The following ARHGAP21 variants were observed in gnomAD, a reference collection of about 807,000 sequenced individuals.
The protein encoded by ARHGAP21 is Rho GTPase activating protein 21, also known as rho GTPase-activating protein 21.
ARHGAP21 carries 38 observed loss-of-function variants against 164.6 expected under a neutral mutation model. That is an observed-to-expected ratio of 0.23 (90% CI 0.18 to 0.30). ARHGAP21 has a LOEUF of 0.30. ARHGAP21 is among the 10% of genes least tolerant of loss of function. The pLI is 1.00. For synonymous variants in ARHGAP21, 766 were observed against 857.9 expected (o/e 0.89, Z 1.87); for missense variants, 1,822 against 2,370.7 (o/e 0.77, Z 4.81).
At chr10:24,654,715 A>G (rs558791439) in intron 4 of ARHGAP21, among the ~76,000 whole-genome samples, 1 of 152,374 alleles carries the variant, frequency 6.6e-6, no homozygotes, top group Admixed American at 6.5e-5. Flanking sequence ...TATAGATTCA[A>G]TGCCATCCCC....
intron 2 of ARHGAP21, among the ~76,000 whole-genome samples, chr10:24,675,346 T>C (rs1841110667): frequency 6.6e-6 from 1 of 152,174 alleles, no homozygotes; most frequent in African/African-American, 2.4e-5. Context: ...TACTGTATGC[T>C]CCATTTATAT....
intron 5 of ARHGAP21, among the ~76,000 whole-genome samples, chr10:24,633,883 CTTT>C (rs3073324): frequency 2.6e-5 from 2 of 75,496 alleles, no homozygotes; most frequent in Non-Finnish European, 4.9e-5. Flanking sequence ...CTTTTTTTCT[CTTT>C]TTTTTTTTTT....
intron 7 of ARHGAP21, among the ~76,000 whole-genome samples, chr10:24,625,820 T>A (rs1294112908): frequency 6.6e-6 from 1 of 152,152 alleles, no homozygotes; most frequent in African/African-American, 2.4e-5. Flanking sequence ...AATTATCACA[T>A]ATCCATAGAG....
rs138338219 is a variant in ARHGAP21, at chr10:24,661,305, T to C, written c.268+5680A>G. Among the ~76,000 whole-genome samples, 900 of 151,708 alleles carry C rather than the reference T, an allele frequency of 5.9e-3. 9 individuals carry two copies. The highest frequency in any genetic ancestry group is 0.021 in the African/African-American group (866 of 41,434). On this transcript the variant is annotated intron_variant, in intron 4 of 25. Transcript: ENST00000396432. ...AAATCTGCATCATAGTACAGAAAACTAACCAACAAGAAGAAAAAATACTTT... is the reference window on the plus strand; with the variant it reads ...AAATCTGCATCATAGTACAGAAAACCAACCAACAAGAAGAAAAAATACTTT...
intron 2 of ARHGAP21, among the ~76,000 whole-genome samples, chr10:24,683,055 C>T (rs564423370): frequency 1.3e-4 from 19 of 144,250 alleles, no homozygotes; most frequent in African/African-American, 4.9e-4. Context: ...GAGATCACAC[C>T]AGTGCACTCC....
rs1317868926 is a variant in ARHGAP21, at chr10:24,594,998, G to A, written c.3828C>T (p.Phe1276=). 1 of 1,613,044 alleles carries A rather than the reference G, an allele frequency of 6.2e-7. No individual in the cohort carries two copies. The highest frequency in any genetic ancestry group is 8.5e-7 in the Non-Finnish European group (1 of 1,179,364). ...CCACTGTCTTCAGATGAGCTGAAAG[G>A]AACTTAAGTGTTTCATAATGATGTT... ...LPEHHYETLK[F]LSAHLKTVAE... is the part of the protein sequence containing the mutation. The change falls in exon 21 of 26, where the codon TTC becomes TTT. Residue 1276 remains phenylalanine, a synonymous_variant. Coordinates refer to ENST00000396432, the MANE Select transcript of ARHGAP21 (RefSeq NM_020824.4).
At chr10:24,605,995 T>C (rs556942506) in intron 11 of ARHGAP21, among the ~76,000 whole-genome samples, 34 of 152,230 alleles carry the variant, frequency 2.2e-4, no homozygotes, top group Non-Finnish European at 4.3e-4. Flanking sequence ...GTATCATCGG[T>C]GGGAAAAGGA....
At chr10:24,718,882 A>G (rs936113709) in intron 2 of ARHGAP21, among the ~76,000 whole-genome samples, 4 of 152,186 alleles carry the variant, frequency 2.6e-5, no homozygotes, top group Non-Finnish European at 5.9e-5. Flanking sequence ...AAAAAATGAA[A>G]TAAATGTTAG....
intron 2 of ARHGAP21, among the ~76,000 whole-genome samples, chr10:24,691,074 C>G (rs1005697308): frequency 6.6e-6 from 1 of 152,084 alleles, no homozygotes; most frequent in African/African-American, 2.4e-5. Flanking sequence ...AGCAAAATCC[C>G]TGGGAACTGG....
At chr10:24,711,560 C>T (rs1844824397) in intron 2 of ARHGAP21, among the ~76,000 whole-genome samples, 1 of 152,134 alleles carries the variant, frequency 6.6e-6, no homozygotes. Flanking sequence ...TGAGAATCAA[C>T]ATGGAAATCT....
chr10:24,704,172 G>A (rs574342976), intron 2 of ARHGAP21, among the ~76,000 whole-genome samples: 92 of 151,976 alleles, frequency 6.1e-4, no homozygotes, highest in Non-Finnish European at 1.2e-3. Context: ...TCAACTGCCT[G>A]GCTCCCAAAG....
intron 2 of ARHGAP21, among the ~76,000 whole-genome samples, chr10:24,712,159 G>A (rs555472048): frequency 6.6e-6 from 1 of 152,178 alleles, no homozygotes; most frequent in South Asian, 2.1e-4. Context: ...CAAGTGATCT[G>A]CCTGCCTCAG....
intron 24 of ARHGAP21, chr10:24,589,527 T>C (rs1355176265): frequency 1.0e-5 from 5 of 476,938 alleles, no homozygotes; most frequent in South Asian, 6.2e-5. Context: ...AGCTCAATGA[T>C]AGAAATGGCA....
chr10:24,685,416 A>G (rs532994207), intron 2 of ARHGAP21, among the ~76,000 whole-genome samples: 5 of 152,194 alleles, frequency 3.3e-5, no homozygotes, highest in Non-Finnish European at 2.9e-5. Context: ...ATTTATAATC[A>G]GTTACCTTTT....
At chr10:24,671,948 T>G (rs1840748259) in intron 2 of ARHGAP21, among the ~76,000 whole-genome samples, 1 of 149,098 alleles carries the variant, frequency 6.7e-6, no homozygotes, top group Non-Finnish European at 1.5e-5. Context: ...CAGGCTGGTC[T>G]TGAGCTCCTA....
At chr10:24,707,644 G>C (rs1407229031) in intron 2 of ARHGAP21, among the ~76,000 whole-genome samples, 1 of 152,132 alleles carries the variant, frequency 6.6e-6, no homozygotes, top group Non-Finnish European at 1.5e-5. Flanking sequence ...CTGCATAGTG[G>C]CTGTACAACT....
At chr10:24,714,354 C>CA (rs1845147015) in intron 2 of ARHGAP21, 1 of 152,160 alleles carries the variant, frequency 6.6e-6, no homozygotes, top group South Asian at 2.1e-4. Context: ...CATCAAGGCA[C>CA]AATGAACTTC....
At position 24,690,837 on chromosome 10, in the gene ARHGAP21, A is replaced by AAT. The variant is rs1045822007; in HGVS notation, c.64-20442_64-20441dup. On this transcript the variant is annotated intron_variant, in intron 2 of 25. Transcript: ENST00000396432. Reference sequence around the variant, plus strand: ...AGGGAGACTCCATCTCAAAAAAAAAAATATATATATATATATACACATATA... The same window carrying AAT: ...AGGGAGACTCCATCTCAAAAAAAAAAATATATATATATATATATACACATATA... Among the ~76,000 whole-genome samples, 1,407 of 147,148 alleles carry AAT rather than the reference A, an allele frequency of 9.6e-3. 15 individuals are homozygous for AAT. The highest frequency in any genetic ancestry group is 0.014 in the Non-Finnish European group (950 of 66,804).
At chr10:24,627,011 T>C (rs1835204477) in intron 7 of ARHGAP21, among the ~76,000 whole-genome samples, 1 of 152,226 alleles carries the variant, frequency 6.6e-6, no homozygotes, top group Non-Finnish European at 1.5e-5. Flanking sequence ...ATCCATGAAT[T>C]ATGAAACCTA....
Sources: gnomAD v4.1 joint callset for allele counts (sites outside exome capture counted in the v4.1 genomes callset) on GRCh38, gnomAD v4.1.1 for gene constraint, MANE v1.5 for transcripts, NCBI Gene and HGNC (gene_info 2026-07-23, HGNC 2026-07-21) for gene names.